MAP4K4: variants seen among roughly 807,000 people sequenced by gnomAD.
MAP4K4 encodes mitogen-activated protein kinase kinase kinase kinase 4, also known as HPK/GCK-like kinase HGK.
MAP4K4 carries 38 observed loss-of-function variants against 189.6 expected under a neutral mutation model. That is an observed-to-expected ratio of 0.20 (90% CI 0.15 to 0.26). MAP4K4 has a LOEUF of 0.26. Among genes scored for constraint, MAP4K4 ranks in the 10% least tolerant of loss-of-function variants. MAP4K4 has a pLI of 1.00. For synonymous variants in MAP4K4, 610 were observed against 624.3 expected (o/e 0.98, Z 0.34); for missense variants, 1,054 against 1,726.9 (o/e 0.61, Z 6.91).
At chr2:101,780,743 A>G (rs2086901973) in intron 2 of MAP4K4, among the ~76,000 whole-genome samples, 1 of 152,202 alleles carries the variant, frequency 6.6e-6, no homozygotes, top group African/African-American at 2.4e-5. Context: ...TTGGTCAGTT[A>G]GTAATCTTTT....
chr2:101,846,292 T>C (rs943324966), intron 12 of MAP4K4, among the ~76,000 whole-genome samples: 3 of 152,264 alleles, frequency 2.0e-5, no homozygotes, highest in Admixed American at 1.3e-4. Flanking sequence ...ACTTACTATA[T>C]TAGAATGCTT....
In MAP4K4 at chr2:101,882,733, G is replaced by A; in HGVS notation, c.3520+48G>A. ...TTTGTTTTTCCAGAGTTTGATTAGA[G>A]TTTGAATTTTAAACTTTAAATTTTC... On this transcript the variant is annotated intron_variant, in intron 28 of 32. Transcript: ENST00000324219. 2 of 1,461,416 alleles carry A rather than the reference G, an allele frequency of 1.4e-6. 1 individual carries two copies. The highest frequency in any genetic ancestry group is 2.9e-5 in the South Asian group (2 of 67,856). The allele number at this position is 1,461,416 out of a possible 1,614,324, so 90.5% of individuals were successfully genotyped here.
rs75719320 is a variant in MAP4K4 at position 101,843,845 on chromosome 2, C to T, written c.1023-256C>T. On this transcript the variant is annotated intron_variant, in intron 11 of 32. Transcript: ENST00000324219. Reference sequence around the variant, plus strand: ...CTTTTACTGAGTTTGAATTGTTACGCGAATCCTAAATAGAAATGTCTTGTC... The same window carrying T: ...CTTTTACTGAGTTTGAATTGTTACGTGAATCCTAAATAGAAATGTCTTGTC... 5.9e-5 allele frequency among the ~76,000 whole-genome samples: 9 copies of T among 152,188 alleles called. No individual in the cohort carries two copies. The South Asian group carries it at 1.2e-3, about 21-fold the overall frequency.
intron 2 of MAP4K4, among the ~76,000 whole-genome samples, chr2:101,716,145 A>G (rs1344770430): frequency 6.6e-6 from 1 of 152,216 alleles, no homozygotes; most frequent in Middle Eastern, 3.2e-3. Context: ...TAGTATATTC[A>G]TTCAACACAA....
rs572686178 is a variant in MAP4K4, at chr2:101,831,871, T to G, written c.639+20T>G. On this transcript the variant is annotated intron_variant, in intron 7 of 32. Coordinates refer to ENST00000324219, the Ensembl canonical transcript of MAP4K4. ...TACAGAGTAAGAGGCACCTGCTCCG[T>G]AGGCCTTTGCAGGGCCACTGGCATA... 5.6e-6 allele frequency: 9 copies of G among 1,611,420 alleles called. No homozygotes were observed. The East Asian group carries it at 1.8e-4, about 32-fold the overall frequency.
intron 3 of MAP4K4, among the ~76,000 whole-genome samples, chr2:101,811,946 T>G (rs1366772487): frequency 6.6e-6 from 1 of 152,194 alleles, no homozygotes; most frequent in Non-Finnish European, 1.5e-5. Context: ...GGGTCTTCAC[T>G]GGAGACATTT....
intron 18 of MAP4K4, 47 bp downstream of exon 18, chr2:101,865,083 C>T: frequency 8.9e-7 from 1 of 1,128,908 alleles, no homozygotes; most frequent in South Asian, 1.4e-5. Flanking sequence ...TGCAGTCTAC[C>T]ACAGCCTTAC....
Position 101,888,728 on chromosome 2 carries a change from A to G in MAP4K4, c.3932-68A>G. Reference sequence around the variant, plus strand: ...GAAGTATAAAAATATATTTTTATTAAGTAAGCAACATCTTTTCAGGGCTGT... The same window carrying G: ...GAAGTATAAAAATATATTTTTATTAGGTAAGCAACATCTTTTCAGGGCTGT... On this transcript the variant is annotated intron_variant, in intron 31 of 32. Coordinates refer to ENST00000324219, the Ensembl canonical transcript of MAP4K4. 5 of 1,161,250 alleles carry G rather than the reference A, an allele frequency of 4.3e-6. No individual in the cohort carries two copies. The South Asian group carries it at 1.1e-4, about 25-fold the overall frequency. The allele number at this position is 1,161,250 out of a possible 1,614,324, so 71.9% of individuals were successfully genotyped here.
At chr2:101,848,986 C>G (rs1309965413) in intron 12 of MAP4K4, among the ~76,000 whole-genome samples, 2 of 152,144 alleles carry the variant, frequency 1.3e-5, no homozygotes, top group East Asian at 1.9e-4. Flanking sequence ...AGCATTTCTT[C>G]CCTGCCCCTC....
intron 31 of MAP4K4, among the ~76,000 whole-genome samples, chr2:101,888,278 A>G (rs1247608699): frequency 4.6e-5 from 7 of 152,204 alleles, no homozygotes; most frequent in African/African-American, 1.4e-4. Flanking sequence ...TTGGTAACGA[A>G]TTGGTAAAGG....
chr2:101,789,979 C>T (rs745475854), intron 2 of MAP4K4, among the ~76,000 whole-genome samples: 2 of 151,928 alleles, frequency 1.3e-5, no homozygotes, highest in Non-Finnish European at 2.9e-5. Context: ...CTCATCCCCC[C>T]GACTTCTTTA....
chr2:101,753,836 A>AAG (rs2070647447), intron 2 of MAP4K4, among the ~76,000 whole-genome samples: 1 of 152,076 alleles, frequency 6.6e-6, no homozygotes, highest in African/African-American at 2.4e-5. Flanking sequence ...TGGTGGCTTG[A>AAG]AGAGTTAAAC....
At chr2:101,713,266 C>T (rs1160588606) in intron 2 of MAP4K4, among the ~76,000 whole-genome samples, 1 of 152,026 alleles carries the variant, frequency 6.6e-6, no homozygotes, top group African/African-American at 2.4e-5. Flanking sequence ...TTTGCTATGC[C>T]AGTGTTCCAG....
intron 3 of MAP4K4, among the ~76,000 whole-genome samples, chr2:101,793,568 G>GT (rs5832988): frequency 0.2 from 25,899 of 127,500 alleles, 4,749 homozygotes; most frequent in African/African-American, 0.5. Context: ...ACTCTTCATG[G>GT]TTTTTTTTTT....
At chr2:101,891,034 T>A (rs1330308406) in intron 32 of MAP4K4, 132 bp from the exon 33 acceptor site, 21 of 703,848 alleles carry the variant, frequency 3.0e-5, no homozygotes, top group Non-Finnish European at 5.0e-5. Flanking sequence ...TCAGAGTTTC[T>A]TTTGAAAAGG....
chr2:101,880,226 G>T (rs1300556659), intron 27 of MAP4K4, among the ~76,000 whole-genome samples: 1 of 152,010 alleles, frequency 6.6e-6, no homozygotes, highest in African/African-American at 2.4e-5. Flanking sequence ...TTTCTTTCAT[G>T]AATTGTGCTT....
intron 32 of MAP4K4, among the ~76,000 whole-genome samples, chr2:101,889,722 C>T (rs1028903211): frequency 1.3e-5 from 2 of 152,188 alleles, no homozygotes; most frequent in Non-Finnish European, 2.9e-5. Flanking sequence ...AAACTTGGCC[C>T]TGAAGAACGT....
chr2:101,860,814 C>T lies in MAP4K4; in HGVS notation c.1705-11C>T. On this transcript the variant is annotated splice_polypyrimidine_tract_variant and intron_variant, in intron 15 of 32. Coordinates refer to ENST00000324219, the Ensembl canonical transcript of MAP4K4. ...TAACACTGAGTTATGTCTTCTAATT[C>T]TCTGATGCAGGTGGAAGATAGATTT... The T allele has an allele frequency of 6.3e-7, 1 of 1,598,294 alleles. No homozygotes were observed. The highest frequency in any genetic ancestry group is 1.3e-5 in the African/African-American group (1 of 74,638).
chr2:101,714,610 G>A (rs983008789), intron 2 of MAP4K4, among the ~76,000 whole-genome samples: 4 of 152,162 alleles, frequency 2.6e-5, no homozygotes, highest in African/African-American at 9.7e-5. Context: ...TTCCTAAGAA[G>A]TTTGACACTG....
Sources: allele counts gnomAD v4.1 joint callset (sites outside exome capture counted in the v4.1 genomes callset), GRCh38; gene constraint gnomAD v4.1.1; transcripts MANE v1.5; gene names NCBI Gene and HGNC (gene_info 2026-07-23, HGNC 2026-07-21).